Variants in SLC38A8 observed in about 807,000 individuals in gnomAD.
SLC38A8 encodes the protein solute carrier family 38 member 8, also known as amino acid transporter SLC38A8.
SLC38A8 carries 65 observed loss-of-function variants against 46.0 expected under a neutral mutation model. The observed-to-expected ratio is 1.41, with a 90% CI of 1.16 to 1.74. The LOEUF is 1.74. Ranked by LOEUF, SLC38A8 falls within the 40% of genes most tolerant of loss-of-function variation. The pLI, the probability that SLC38A8 is intolerant of heterozygous loss-of-function variation, is 0.00. For synonymous variants in SLC38A8, 447 were observed against 243.7 expected, an observed-to-expected ratio of 1.83 and a Z score of -7.77; for missense variants, 998 against 567.9, an observed-to-expected ratio of 1.76 and a Z score of -7.70.
At chr16:84,010,753 A>G (rs1234483477) in intron 10 of SLC38A8, among the ~76,000 whole-genome samples, 1 of 152,164 alleles carries the variant, frequency 6.6e-6, no homozygotes, top group African/African-American at 2.4e-5. Flanking sequence ...CAAAAAGAGA[A>G]AAAGACATGG....
In SLC38A8 at chr16:84,033,458, G is replaced by C. The variant is rs781256711; in HGVS notation, c.400C>G (p.Leu134Val). Residue 134 changes from leucine to valine, a missense_variant, in exon 4 of 11, where the codon CTC becomes GTC. Transcript: ENST00000299709. ...GDQLEKLCDS[L>V]LSGTPPAPQP... ...GGGGCGGGCGGGGTGCCAGACAGGA[G>C]GGAGTCACACACTGCCAGAGACACG... 1.2e-6 allele frequency: 2 copies of C among 1,606,456 alleles called. No homozygotes were observed. The highest frequency in any genetic ancestry group is 2.7e-5 in the African/African-American group (2 of 74,784).
Position 84,029,495 on chromosome 16 carries a change from T to G in SLC38A8, c.689A>C (p.Gln230Pro), listed in dbSNP as rs1045352091. The change falls in exon 6 of 11, where the codon CAG becomes CCG. Residue 230 changes from glutamine to proline, a missense_variant and splice_region_variant. Physicochemically the swap from Gln to Pro is moderately conservative, Grantham distance 76 (BLOSUM62 -1). Coordinates refer to ENST00000299709, the MANE Select transcript of SLC38A8 (RefSeq NM_001080442.3). ...SVFPTICFGF[Q>P]CHEAAVSIYC... ...CTGCAACACAGATGCTAAAATTACCTGAAACCCGAAGCAGATGGTGGGGAA... is the reference window on the plus strand; with the variant it reads ...CTGCAACACAGATGCTAAAATTACCGGAAACCCGAAGCAGATGGTGGGGAA... 6.2e-7 allele frequency: 1 copy of G among 1,613,882 alleles called. No homozygotes were observed. Among genetic ancestry groups the G allele is most frequent in the African/African-American group, 1.3e-5 (1 of 74,986 alleles).
intron 6 of SLC38A8, among the ~76,000 whole-genome samples, chr16:84,027,580 G>C (rs963600666): frequency 2.6e-5 from 4 of 152,246 alleles, no homozygotes; most frequent in African/African-American, 7.2e-5. Flanking sequence ...CTTTCCTGCA[G>C]CCCTCTCCAG....
chr16:84,019,929 C>G (rs2085075790), intron 7 of SLC38A8, among the ~76,000 whole-genome samples: 1 of 152,260 alleles, frequency 6.6e-6, no homozygotes, highest in Non-Finnish European at 1.5e-5. Context: ...CTGAGGCAAC[C>G]CCACTCCTAC....
chr16:84,016,770 C>T (rs376869779), intron 8 of SLC38A8, 43 bp from the exon 9 acceptor site: 3 of 1,577,908 alleles, frequency 1.9e-6, no homozygotes, highest in Non-Finnish European at 2.6e-6. Flanking sequence ...ATCTCAGGGG[C>T]ACCAGCCTCC....
chr16:84,033,300 C>T, intron 4 of SLC38A8, 28 bp downstream of exon 4: 2 of 1,613,840 alleles, frequency 1.2e-6, no homozygotes, highest in Non-Finnish European at 1.7e-6. Flanking sequence ...AGGTGGGGGC[C>T]CCCACCAGGC....
Position 84,031,900 on chromosome 16 carries a change from TG to T in SLC38A8, c.598del (p.Gln200ArgfsTer11). 6.2e-7 allele frequency: 1 copy of T among 1,614,160 alleles called. No homozygotes were observed. Among genetic ancestry groups the T allele is most frequent in the Non-Finnish European group, 8.5e-7 (1 of 1,180,016 alleles). On this transcript the variant is annotated frameshift_variant, in exon 5 of 11. Transcript: ENST00000299709. LOFTEE classifies it high-confidence loss of function. ...VITVQYYLWP[Q>X]GLVRESHPSL... ...AGGATGGGACTCACGCACGAGGCCC[TG>T]GGGCCAGAGGTAGTACTGCACGGTG... is the stretch of plus-strand genomic sequence containing the variant.
In SLC38A8 at chr16:84,031,964, G is replaced by C. The variant is rs775469250; in HGVS notation, c.535C>G (p.Leu179Val). 3.1e-6 allele frequency: 5 copies of C among 1,614,076 alleles called. No homozygotes were observed. Among genetic ancestry groups the C allele is most frequent in the Non-Finnish European group, 4.2e-6 (5 of 1,179,940 alleles). The change falls in exon 5 of 11, where the codon CTA (leucine) becomes GTA (valine). Residue 179 changes from leucine (L) to valine (V), a missense_variant. Transcript: ENST00000299709. ...AGGTAACAGGCAGCCAGAGTGCCTAGGATGCTAACACAGTGACCGTGTGAG... is the reference window on the plus strand; with the variant it reads ...AGGTAACAGGCAGCCAGAGTGCCTACGATGCTAACACAGTGACCGTGTGAG... Reference protein sequence around the residue: ...EIAFQKYTSILGTLAACYLAL... With the variant: ...EIAFQKYTSIVGTLAACYLAL...
intron 9 of SLC38A8, among the ~76,000 whole-genome samples, chr16:84,013,424 GTTTTTTT>G (rs1221293803): frequency 1.6e-5 from 1 of 64,048 alleles, no homozygotes; most frequent in East Asian, 4.6e-4. Context: ...TTGTGTGTGT[GTTTTTTT>G]TTTTTTTTTT....
chr16:84,021,126 G>T (rs962940022), intron 7 of SLC38A8, among the ~76,000 whole-genome samples: 1 of 152,082 alleles, frequency 6.6e-6, no homozygotes, highest in African/African-American at 2.4e-5. Context: ...GCAATGGTGC[G>T]ATCTCAGCTC....
At chr16:84,026,565 G>C (rs552272334) in intron 6 of SLC38A8, among the ~76,000 whole-genome samples, 4 of 152,208 alleles carry the variant, frequency 2.6e-5, no homozygotes, top group Admixed American at 2.6e-4. Flanking sequence ...CAGGCCTGCT[G>C]AGGGCAGGCA....
intron 6 of SLC38A8, among the ~76,000 whole-genome samples, chr16:84,027,053 T>G (rs1040593285): frequency 1.3e-5 from 2 of 152,126 alleles, no homozygotes; most frequent in Non-Finnish European, 2.9e-5. Flanking sequence ...AAGATATTTT[T>G]TAAAACCACA....
chr16:84,042,064 T>A lies in SLC38A8; in HGVS notation c.94A>T (p.Ile32Phe). Residue 32 changes from isoleucine to phenylalanine, a missense_variant, in exon 2 of 11, where the codon ATC (isoleucine) becomes TTC (phenylalanine). Transcript: ENST00000299709. The part of the protein sequence containing the change: ...ATLSSMGAVF[I>F]LMKSALGAGL... The stretch of plus-strand genomic sequence containing the variant: ...GCTCCCAGCGCGGACTTCATGAGGA[T>A]GAAGACAGCGCCCATCGAGGACAGA... 1.2e-6 allele frequency: 2 copies of A among 1,613,928 alleles called. No homozygotes were observed. Among genetic ancestry groups the A allele is most frequent in the African/African-American group, 1.3e-5 (1 of 74,988 alleles).
chr16:84,019,360 C>A (rs1429076649), intron 7 of SLC38A8, among the ~76,000 whole-genome samples: 1 of 152,126 alleles, frequency 6.6e-6, no homozygotes, highest in Non-Finnish European at 1.5e-5. Flanking sequence ...AAGCATGAGC[C>A]ACCGCACCCA....
chr16:84,018,508 C>T lies in SLC38A8; in HGVS notation c.806-1221G>A, dbSNP rs542758072. ...TGCTGGGATTACAGGCATGAGCCAC[C>T]GTGCCTGGCCTGGCCCATTCCCTCT... On this transcript the variant is annotated intron_variant, in intron 7 of 10. Transcript: ENST00000299709. Among the ~76,000 whole-genome samples, 50 of 152,180 alleles carry T rather than the reference C, an allele frequency of 3.3e-4. No individual in the cohort carries two copies. In the South Asian group the frequency reaches 8.7e-3, roughly 26 times the overall value.
In SLC38A8 at chr16:84,017,207, T is replaced by G; in HGVS notation, c.886A>C (p.Ile296Leu). Reference sequence around the variant, plus strand: ...ACAGCAAAAAGGACCCGGGCCACAATGATGACCATATCATTGCCTGGGTAG... The same window carrying G: ...ACAGCAAAAAGGACCCGGGCCACAAGGATGACCATATCATTGCCTGGGTAG... ...MSYPGNDMVI[I>L]VARVLFAVSI... Residue 296 changes from isoleucine (I) to leucine (L), a missense_variant, in exon 8 of 11, where the codon ATT (isoleucine) becomes CTT (leucine). Coordinates refer to ENST00000299709, the MANE Select transcript of SLC38A8 (RefSeq NM_001080442.3). 2 of 1,613,984 alleles carry G rather than the reference T, an allele frequency of 1.2e-6. No homozygotes were observed. Among genetic ancestry groups the G allele is most frequent in the South Asian group, 2.2e-5 (2 of 91,042 alleles).
At position 84,009,721 on chromosome 16, in the gene SLC38A8, C is replaced by T; in HGVS notation, c.*63G>A. The T allele has an allele frequency of 7.1e-7, 1 of 1,416,584 alleles. No individual in the cohort carries two copies. Among genetic ancestry groups the T allele is most frequent in the Non-Finnish European group, 9.7e-7 (1 of 1,026,604 alleles). 87.8% of individuals were successfully genotyped at this position (1,416,584 alleles called of 1,614,324 possible). ...AGAAATGGCATCGGTCTCCTGGCTG[C>T]ATACAGCAGCCACGTAGGGTCAGCC... On this transcript the variant is annotated 3_prime_UTR_variant, in exon 11 of 11. Coordinates refer to ENST00000299709, the MANE Select transcript of SLC38A8 (RefSeq NM_001080442.3).
intron 7 of SLC38A8, among the ~76,000 whole-genome samples, chr16:84,017,837 G>T (rs1012785056): frequency 8.5e-5 from 13 of 152,290 alleles, no homozygotes; most frequent in African/African-American, 3.1e-4. Context: ...TAAGAGCCAT[G>T]TTCCTTTCAG....
rs9940715 is a variant in SLC38A8, at chr16:84,017,041, T to A, written c.953+99A>T. 1.4e-3 allele frequency: 2,099 copies of A among 1,476,324 alleles called. 35 individuals carry two copies. In the African/African-American group the frequency reaches 0.027, roughly 19 times the overall value. The allele number at this position is 1,476,324 out of a possible 1,614,324, so 91.5% of individuals were successfully genotyped here. On this transcript the variant is annotated intron_variant, in intron 8 of 10. Transcript: ENST00000299709. ...TCCTGTCTACAATTGGAGAGGATGG[T>A]AGTCCCACAGCCGCGTAGCCCACAC...
Sources: allele counts gnomAD v4.1 joint callset (sites outside exome capture counted in the v4.1 genomes callset), GRCh38; gene constraint gnomAD v4.1.1; transcripts MANE v1.5; gene names NCBI Gene and HGNC (gene_info 2026-07-23, HGNC 2026-07-21).